The following ZNF106 variants were observed in gnomAD, a reference collection of about 807,000 sequenced individuals.
The protein encoded by ZNF106 is zinc finger protein 106.
ZNF106 carries 67 observed loss-of-function variants against 195.1 expected under a neutral mutation model. The ratio of observed to expected loss-of-function variants is 0.34; its 90% CI spans 0.28 to 0.42. The LOEUF is 0.42. ZNF106 is among the 10% of genes least tolerant of loss of function. The pLI, the probability that ZNF106 is intolerant of heterozygous loss-of-function variation, is 1.00. For missense variants in ZNF106, 2,118 were observed against 2,304.5 expected (o/e 0.92, Z 1.66); for synonymous variants, 784 against 818.6 (o/e 0.96, Z 0.72).
At chr15:42,423,867 G>T in intron 17 of ZNF106, 131 bp downstream of exon 17, 1 of 784,368 alleles carries the variant, frequency 1.3e-6, no homozygotes, top group Non-Finnish European at 2.0e-6. Context: ...AAGAGCATAT[G>T]CACAGGGATG....
At chr15:42,441,950 G>C in intron 10 of ZNF106, 123 bp downstream of exon 10, 1 of 678,030 alleles carries the variant, frequency 1.5e-6, no homozygotes, top group Non-Finnish European at 2.5e-6. Flanking sequence ...GAGAATTCCA[G>C]TGACAAATTA....
chr15:42,417,799 A>G lies in ZNF106; in HGVS notation c.5664+6T>C. 6.2e-7 allele frequency: 1 copy of G among 1,611,768 alleles called. No individual in the cohort carries two copies. The highest frequency in any genetic ancestry group is 8.5e-7 in the Non-Finnish European group (1 of 1,178,952). On this transcript the variant is annotated splice_donor_region_variant and intron_variant, in intron 21 of 21. Coordinates refer to ENST00000564754, the MANE Select transcript of ZNF106 (RefSeq NM_001366845.3). ...CCCAGGCAAACCTCAAGTCCCACTA[A>G]TGTACCTGTTTGGATCCTTTCCTAG... is the stretch of plus-strand genomic sequence containing the variant.
chr15:42,430,968 T>C (rs1292944934), intron 14 of ZNF106, among the ~76,000 whole-genome samples: 2 of 152,026 alleles, frequency 1.3e-5, no homozygotes. Flanking sequence ...TCTTGGATTT[T>C]AAAGCTTTCT....
chr15:42,462,948 TTTTTTTGTTTTG>T (rs991300730), intron 3 of ZNF106, among the ~76,000 whole-genome samples: 2 of 139,908 alleles, frequency 1.4e-5, no homozygotes, highest in Non-Finnish European at 3.0e-5. Context: ...ACACCTGGCT[TTTTTTTGTTTTG>T]TTTTTTGTTT....
intron 15 of ZNF106, among the ~76,000 whole-genome samples, chr15:42,427,390 G>T (rs2054896885): frequency 1.3e-5 from 2 of 152,112 alleles, no homozygotes. Flanking sequence ...CTGGGGCCTA[G>T]CACATAACAG....
chr15:42,447,975 A>T (rs1025373485), intron 6 of ZNF106, 97 bp downstream of exon 6: 2 of 1,376,888 alleles, frequency 1.5e-6, no homozygotes, highest in Non-Finnish European at 2.0e-6. Flanking sequence ...GAGAATCACA[A>T]TCCCAGATAC....
At chr15:42,467,285 G>C (rs927661847) in intron 2 of ZNF106, among the ~76,000 whole-genome samples, 38 of 152,006 alleles carry the variant, frequency 2.5e-4, no homozygotes, top group Admixed American at 2.4e-3. Context: ...AATAATAAAG[G>C]GCTACTACAC....
At chr15:42,435,316 C>T in intron 14 of ZNF106, 68 bp downstream of exon 14, 2 of 1,597,688 alleles carry the variant, frequency 1.3e-6, no homozygotes, top group African/African-American at 1.3e-5. Flanking sequence ...CACAGTGTCT[C>T]CACTCCACAC....
intron 14 of ZNF106, among the ~76,000 whole-genome samples, chr15:42,432,683 G>A (rs1008376501): frequency 1.0e-4 from 15 of 146,762 alleles, no homozygotes; most frequent in South Asian, 4.3e-4. Context: ...GAATAGCCTA[G>A]GCAACATAGC....
chr15:42,490,624 G>C (rs1448714026), intron 1 of ZNF106, among the ~76,000 whole-genome samples: 2 of 152,206 alleles, frequency 1.3e-5, no homozygotes, highest in Admixed American at 1.3e-4. Flanking sequence ...ATGTGTCCCT[G>C]GCCTGAGACC....
At chr15:42,455,563 T>A (rs909577250) in intron 4 of ZNF106, among the ~76,000 whole-genome samples, 3 of 152,168 alleles carry the variant, frequency 2.0e-5, no homozygotes, top group African/African-American at 7.2e-5. Flanking sequence ...TTAATTTTAA[T>A]TTTTTGTTGT....
chr15:42,467,190 A>G (rs2056539776), intron 2 of ZNF106, among the ~76,000 whole-genome samples: 1 of 152,188 alleles, frequency 6.6e-6, no homozygotes, highest in Non-Finnish European at 1.5e-5. Context: ...ACAAAACTCA[A>G]AAAGCTATAA....
intron 1 of ZNF106, among the ~76,000 whole-genome samples, chr15:42,482,870 T>G (rs972373810): frequency 6.6e-6 from 1 of 151,970 alleles, no homozygotes. Context: ...TTCTTTGGAG[T>G]CTGCTCCACA....
At chr15:42,471,776 T>C (rs939084130) in intron 2 of ZNF106, among the ~76,000 whole-genome samples, 1 of 152,214 alleles carries the variant, frequency 6.6e-6, no homozygotes, top group African/African-American at 2.4e-5. Flanking sequence ...CTTGTGGACA[T>C]CTAGGATATT....
rs915682697 is a variant in ZNF106 at position 42,414,931 on chromosome 15, C to G, written c.*2373G>C. 9.9e-5 allele frequency: 15 copies of G among 152,194 alleles called. No homozygotes were observed. The highest frequency in any genetic ancestry group is 3.4e-4 in the African/African-American group (14 of 41,414). The allele number at this position is 152,194 out of a possible 1,614,324, so 9.4% of individuals were successfully genotyped here. ...GGGGTGAGAGGTGGGAAAAGCTTCT[C>G]AATCTCATACAGAAACAGCACAAAT... On this transcript the variant is annotated 3_prime_UTR_variant, in exon 22 of 22. Transcript: ENST00000564754.
intron 19 of ZNF106, 67 bp downstream of exon 19, chr15:42,421,850 G>A: frequency 7.6e-7 from 1 of 1,320,284 alleles, no homozygotes; most frequent in Non-Finnish European, 1.0e-6. Flanking sequence ...GTCACTTTTG[G>A]AAGTGACAAG....
At chr15:42,464,245 C>G (rs2056461047) in intron 3 of ZNF106, among the ~76,000 whole-genome samples, 1 of 147,432 alleles carries the variant, frequency 6.8e-6, no homozygotes, top group Admixed American at 6.7e-5. Flanking sequence ...GAGGGTGAAG[C>G]AGGAGAATCG....
intron 16 of ZNF106, 142 bp from the exon 17 acceptor site, chr15:42,424,202 A>C: frequency 1.5e-6 from 1 of 670,256 alleles, no homozygotes; most frequent in Non-Finnish European, 2.5e-6. Flanking sequence ...TTCTCAGATG[A>C]ATTTTCTCAG....
At chr15:42,422,695 A>G (rs969853307) in intron 17 of ZNF106, 75 bp from the exon 18 acceptor site, 143 of 1,481,088 alleles carry the variant, frequency 9.7e-5, no homozygotes, top group Admixed American at 1.8e-4. Context: ...TATAATTCTA[A>G]GAGGCATAAT....
Sources: gnomAD v4.1 joint callset for allele counts (sites outside exome capture counted in the v4.1 genomes callset) on GRCh38, gnomAD v4.1.1 for gene constraint, MANE v1.5 for transcripts, NCBI Gene and HGNC (gene_info 2026-07-23, HGNC 2026-07-21) for gene names.